DLG2: variants seen among roughly 807,000 people sequenced by gnomAD.
DLG2 encodes the protein disks large homolog 2.
In DLG2, 45 loss-of-function variants were observed where a neutral mutation model predicts 132.5. The ratio of observed to expected loss-of-function variants is 0.34; its 90% CI spans 0.27 to 0.44. The LOEUF (loss-of-function observed/expected upper bound fraction) is 0.44, where lower values mean the gene tolerates loss of function less well. Among genes scored for constraint, DLG2 ranks in the 20% least tolerant of loss-of-function variants. The pLI, the probability that DLG2 is intolerant of heterozygous loss-of-function variation, is 1.00. For missense variants in DLG2, 1,045 were observed against 1,196.9 expected, an observed-to-expected ratio of 0.87 and a Z score of 1.87; for synonymous variants, 424 against 419.6, an observed-to-expected ratio of 1.01 and a Z score of -0.13.
intron 7 of DLG2, among the ~76,000 whole-genome samples, chr11:84,505,218 T>G (rs61521343): frequency 0.047 from 7,137 of 152,224 alleles, 185 homozygotes; most frequent in Middle Eastern, 0.095. Context: ...TTCCCACAAA[T>G]TTGGTATAAG....
At chr11:85,006,621 T>C (rs1464769380) in intron 6 of DLG2, among the ~76,000 whole-genome samples, 1 of 152,150 alleles carries the variant, frequency 6.6e-6, no homozygotes, top group African/African-American at 2.4e-5. Context: ...TCTCTTTTCT[T>C]CTTTATTAGT....
intron 8 of DLG2, among the ~76,000 whole-genome samples, chr11:84,240,620 A>T (rs2097214091): frequency 6.6e-6 from 1 of 152,168 alleles, no homozygotes; most frequent in South Asian, 2.1e-4. Context: ...AGGCTTCCTG[A>T]TGGTGGTGGC....
chr11:84,750,603 A>T (rs1943692), intron 6 of DLG2, among the ~76,000 whole-genome samples: 11,627 of 152,212 alleles, frequency 0.076, 522 homozygotes, highest in Non-Finnish European at 0.11. Flanking sequence ...TTATACTCTT[A>T]TGTTCATGAC....
intron 19 of DLG2, among the ~76,000 whole-genome samples, chr11:83,569,871 C>A (rs1348221010): frequency 6.6e-6 from 1 of 152,216 alleles, no homozygotes; most frequent in African/African-American, 2.4e-5. Context: ...CTGAAAAATT[C>A]TTCAAGCTGC....
chr11:85,508,434 TCA>T (rs1349043128), intron 3 of DLG2, among the ~76,000 whole-genome samples: 1 of 152,044 alleles, frequency 6.6e-6, no homozygotes, highest in African/African-American at 2.4e-5. Context: ...CTAATCAATG[TCA>T]CTTTATTAGA....
intron 3 of DLG2, among the ~76,000 whole-genome samples, chr11:85,356,822 AGATAGAGAT>A (rs1216574170): frequency 6.9e-6 from 1 of 144,582 alleles, no homozygotes; most frequent in Non-Finnish European, 1.5e-5. Context: ...ATAGATAGAT[AGATAGAGAT>A]GATAGACAGA....
chr11:83,723,872 T>G (rs2089346914), intron 18 of DLG2, among the ~76,000 whole-genome samples: 1 of 151,934 alleles, frequency 6.6e-6, no homozygotes, highest in African/African-American at 2.4e-5. Flanking sequence ...AATAAATACA[T>G]AAGTAAAAAT....
At chr11:84,527,893 T>TCTCTCTC (rs2099326301) in intron 7 of DLG2, among the ~76,000 whole-genome samples, 67 of 125,588 alleles carry the variant, frequency 5.3e-4, no homozygotes, top group Non-Finnish European at 8.4e-4. Flanking sequence ...CTCCCTCCCT[T>TCTCTCTC]TCTCTCTCTC....
At chr11:84,909,908 C>T (rs2091904985) in intron 6 of DLG2, among the ~76,000 whole-genome samples, 1 of 152,200 alleles carries the variant, frequency 6.6e-6, no homozygotes, top group Non-Finnish European at 1.5e-5. Flanking sequence ...TGCCTCTGGC[C>T]ATTTTGGTTT....
At chr11:84,357,809 CAA>C (rs1600540838) in intron 7 of DLG2, among the ~76,000 whole-genome samples, 1 of 151,542 alleles carries the variant, frequency 6.6e-6, no homozygotes, top group African/African-American at 2.4e-5. Flanking sequence ...CAAATAAAAA[CAA>C]ATTATTTTTA....
intron 3 of DLG2, among the ~76,000 whole-genome samples, chr11:85,448,363 G>C (rs1192953080): frequency 6.6e-6 from 1 of 152,080 alleles, no homozygotes; most frequent in Non-Finnish European, 1.5e-5. Context: ...AATGAGCAGA[G>C]ACCTTGAGAT....
At chr11:84,424,760 A>G (rs1220680783) in intron 7 of DLG2, among the ~76,000 whole-genome samples, 1 of 152,140 alleles carries the variant, frequency 6.6e-6, no homozygotes, top group African/African-American at 2.4e-5. Flanking sequence ...GGACATTCAC[A>G]TGTGCTTCCT....
At chr11:84,026,346 C>T (rs1238123973) in intron 11 of DLG2, among the ~76,000 whole-genome samples, 3 of 151,894 alleles carry the variant, frequency 2.0e-5, no homozygotes, top group Non-Finnish European at 4.4e-5. Context: ...GGAATTAGGA[C>T]CATACTAGAC....
At chr11:84,981,187 C>T (rs1209822389) in intron 6 of DLG2, among the ~76,000 whole-genome samples, 2 of 151,974 alleles carry the variant, frequency 1.3e-5, no homozygotes, top group Non-Finnish European at 1.5e-5. Context: ...ATGAACTAAA[C>T]TAAGAACTTT....
rs116047897 is a variant in DLG2, at chr11:84,004,226, A to G, written c.920-23584T>C. ...AACTGAATTCAACAGCACATCAAAAAGATAATATACCATTACAAAATGGGA... is the reference window on the plus strand; with the variant it reads ...AACTGAATTCAACAGCACATCAAAAGGATAATATACCATTACAAAATGGGA... On this transcript the variant is annotated intron_variant, in intron 11 of 27. Transcript: ENST00000376104. Among the ~76,000 whole-genome samples, 885 of 152,274 alleles carry G rather than the reference A, an allele frequency of 5.8e-3. 5 individuals are homozygous for G. The highest frequency in any genetic ancestry group is 0.021 in the African/African-American group (854 of 41,560).
intron 3 of DLG2, among the ~76,000 whole-genome samples, chr11:85,555,767 C>G (rs1222062214): frequency 6.6e-6 from 1 of 151,864 alleles, no homozygotes; most frequent in Non-Finnish European, 1.5e-5. Context: ...AATAAGACAA[C>G]CTTTGTTCAC....
chr11:84,844,125 G>GTA (rs2081130035), intron 6 of DLG2, among the ~76,000 whole-genome samples: 2 of 34,434 alleles, frequency 5.8e-5, no homozygotes, highest in African/African-American at 9.8e-5. Context: ...GTGTGTGTGT[G>GTA]TGTGTGTGTG....
intron 7 of DLG2, among the ~76,000 whole-genome samples, chr11:84,531,521 T>A (rs908436141): frequency 6.6e-6 from 1 of 152,120 alleles, no homozygotes; most frequent in African/African-American, 2.4e-5. Context: ...CTCAAACACA[T>A]CTTGTTTAGC....
chr11:84,643,270 T>G (rs891329888), intron 6 of DLG2, among the ~76,000 whole-genome samples: 2 of 152,136 alleles, frequency 1.3e-5, no homozygotes, highest in African/African-American at 2.4e-5. Context: ...TTTAGTGAAT[T>G]TGATGAAGAT....
Sources: gnomAD v4.1 joint callset for allele counts (sites outside exome capture counted in the v4.1 genomes callset) on GRCh38, gnomAD v4.1.1 for gene constraint, MANE v1.5 for transcripts, NCBI Gene and HGNC (gene_info 2026-07-23, HGNC 2026-07-21) for gene names.